Variants in PDE5A observed in about 807,000 individuals in gnomAD.
The protein encoded by PDE5A is cGMP-specific 3',5'-cyclic phosphodiesterase.
A neutral mutation model predicts 110.2 loss-of-function variants in PDE5A; 67 were observed. The ratio of observed to expected loss-of-function variants is 0.61; its 90% CI spans 0.50 to 0.75. The LOEUF is 0.75. PDE5A is among the 30% of genes least tolerant of loss of function. PDE5A has a pLI of 0.00. For synonymous variants in PDE5A, 328 were observed against 351.2 expected, an observed-to-expected ratio of 0.93 and a Z score of 0.74; for missense variants, 862 against 1,045.1, an observed-to-expected ratio of 0.82 and a Z score of 2.42.
chr4:119,555,662 C>T (rs974386311), intron 7 of PDE5A, among the ~76,000 whole-genome samples: 8 of 152,024 alleles, frequency 5.3e-5, no homozygotes, highest in African/African-American at 1.9e-4. Flanking sequence ...TTTTAATTAT[C>T]ATCATCATTA....
intron 1 of PDE5A, among the ~76,000 whole-genome samples, chr4:119,621,516 C>T (rs1313781941): frequency 1.3e-5 from 2 of 151,806 alleles, no homozygotes; most frequent in African/African-American, 2.4e-5. Flanking sequence ...CAGCACAGGG[C>T]CAAAAGATAC....
At chr4:119,554,641 T>C (rs900382263) in intron 7 of PDE5A, among the ~76,000 whole-genome samples, 2 of 151,982 alleles carry the variant, frequency 1.3e-5, no homozygotes, top group African/African-American at 2.4e-5. Context: ...AACCTAACAA[T>C]AGTAGACATT....
intron 11 of PDE5A, among the ~76,000 whole-genome samples, chr4:119,537,845 G>T (rs1726781268): frequency 6.6e-6 from 1 of 152,032 alleles, no homozygotes; most frequent in South Asian, 2.1e-4. Flanking sequence ...AATGGTGGAA[G>T]AAATGAATAT....
chr4:119,599,080 T>C (rs1729250164), intron 2 of PDE5A, among the ~76,000 whole-genome samples: 1 of 151,840 alleles, frequency 6.6e-6, no homozygotes, highest in Non-Finnish European at 1.5e-5. Flanking sequence ...TCCTTAGGAG[T>C]AAGGACTATA....
chr4:119,498,701 A>G lies in PDE5A; in HGVS notation c.2528T>C (p.Leu843Pro). Residue 843 changes from leucine (L) to proline (P), a missense_variant, in exon 21 of 21, where the codon CTA (leucine) becomes CCA (proline). Coordinates refer to ENST00000354960, the MANE Select transcript of PDE5A (RefSeq NM_001083.4). ...CTGCCTGTTCTTTCTGCAGCCATCT[A>G]GCAAAGGGAAACAGTCCTCTGACAC... ...THVSEDCFPL[L>P]DGCRKNRQKW... 6.2e-7 allele frequency: 1 copy of G among 1,613,936 alleles called. No homozygotes were observed.
rs779475609 is a variant in PDE5A at position 119,504,554 on chromosome 4, G to C, written c.2313C>G (p.Pro771=). 1.9e-6 allele frequency: 3 copies of C among 1,612,060 alleles called. No homozygotes were observed. The East Asian group carries it at 6.7e-5, about 36-fold the overall frequency. Residue 771 remains proline (P), a synonymous_variant, in exon 18 of 21, where the codon CCC becomes CCG. Transcript: ENST00000354960. ...TACDLSAITK[P]WPIQQRIAEL... ...AACATACCCGTTGTTGAATAGGCCA[G>C]GGTTTTGTAATTGCAGAAAGATCAC...
intron 3 of PDE5A, among the ~76,000 whole-genome samples, chr4:119,574,800 A>C (rs1728272925): frequency 1.3e-5 from 2 of 152,232 alleles, no homozygotes; most frequent in South Asian, 2.1e-4. Context: ...TATCAAAAAT[A>C]AGTAGATTCT....
chr4:119,609,140 C>T lies in PDE5A; in HGVS notation c.153-1843G>A, dbSNP rs140094204. On this transcript the variant is annotated intron_variant, in intron 1 of 20. Transcript: ENST00000354960. ...TCGCGCCATTGCACTCCAGCCTGGG[C>T]TACAGTTCGAGACTCCGTCTCAAAA... 3.6e-3 allele frequency among the ~76,000 whole-genome samples: 546 copies of T among 151,274 alleles called. 3 individuals carry two copies. Among genetic ancestry groups the T allele is most frequent in the African/African-American group, 0.013 (532 of 41,156 alleles).
intron 1 of PDE5A, among the ~76,000 whole-genome samples, chr4:119,623,216 A>G (rs1337504959): frequency 6.6e-6 from 1 of 152,162 alleles, no homozygotes; most frequent in Non-Finnish European, 1.5e-5. Context: ...AGCCACATTC[A>G]CCAGCTGTAA....
At chr4:119,544,850 TATACCTTTGGA>T (rs1445031003) in intron 9 of PDE5A, among the ~76,000 whole-genome samples, 68 of 152,288 alleles carry the variant, frequency 4.5e-4, no homozygotes, top group African/African-American at 1.5e-3. Context: ...GTCATTAAAT[TATACCTTTGGA>T]ATTGCCCGCA....
chr4:119,520,887 TA>T, intron 13 of PDE5A, 47 bp downstream of exon 13: 1 of 1,496,124 alleles, frequency 6.7e-7, no homozygotes, highest in Non-Finnish European at 9.0e-7. Context: ...TAAATTTTAC[TA>T]CTAAGCAACA....
In PDE5A at chr4:119,497,027, AG is replaced by A. The variant is rs756977364; in HGVS notation, c.*1573del. On this transcript the variant is annotated 3_prime_UTR_variant, in exon 21 of 21. Transcript: ENST00000354960. ...ACACACTCAGAATTTTAAAAACTTAAGGAACATACTGAATTTTAGGCAAAAT... is the reference window on the plus strand; with the variant it reads ...ACACACTCAGAATTTTAAAAACTTAAGAACATACTGAATTTTAGGCAAAAT... 2 of 152,120 alleles carry A rather than the reference AG, an allele frequency of 1.3e-5. No homozygotes were observed. Among genetic ancestry groups the A allele is most frequent in the Non-Finnish European group, 2.9e-5 (2 of 68,010 alleles). The allele number at this position is 152,120 out of a possible 1,614,324, so 9.4% of individuals were successfully genotyped here.
chr4:119,583,795 A>G (rs1301153270), intron 3 of PDE5A, among the ~76,000 whole-genome samples: 1 of 152,228 alleles, frequency 6.6e-6, no homozygotes, highest in Admixed American at 6.5e-5. Context: ...AAGGAAATGG[A>G]AATGGCAAAC....
At chr4:119,501,287 G>T in intron 19 of PDE5A, 34 bp from the exon 20 acceptor site, 1 of 1,207,098 alleles carries the variant, frequency 8.3e-7, no homozygotes, top group Non-Finnish European at 1.2e-6. Flanking sequence ...ACACACAGAT[G>T]TGCATTTATT....
intron 12 of PDE5A, among the ~76,000 whole-genome samples, chr4:119,523,425 C>T (rs944290678): frequency 6.6e-6 from 1 of 152,038 alleles, no homozygotes; most frequent in Admixed American, 6.6e-5. Flanking sequence ...AACATCCTCT[C>T]TAGCATTAAC....
intron 3 of PDE5A, among the ~76,000 whole-genome samples, chr4:119,574,365 G>C (rs1728251562): frequency 1.6e-5 from 1 of 61,398 alleles, no homozygotes; most frequent in African/African-American, 4.5e-5. Context: ...TGTATTTTTA[G>C]TAGAGACGGG....
chr4:119,529,633 T>G (rs1470668344), intron 11 of PDE5A, among the ~76,000 whole-genome samples: 1 of 152,168 alleles, frequency 6.6e-6, no homozygotes, highest in African/African-American at 2.4e-5. Flanking sequence ...GAAGTTTCCA[T>G]AGTGAGCCAG....
chr4:119,578,326 G>A (rs1728449604), intron 3 of PDE5A, among the ~76,000 whole-genome samples: 1 of 152,030 alleles, frequency 6.6e-6, no homozygotes, highest in Admixed American at 6.6e-5. Flanking sequence ...TCACAGAATT[G>A]GAAAAAACTA....
At chr4:119,580,723 A>G in intron 3 of PDE5A, among the ~76,000 whole-genome samples, 1 of 152,232 alleles carries the variant, frequency 6.6e-6, no homozygotes, top group East Asian at 1.9e-4. Flanking sequence ...AAGCCAGCAC[A>G]AGACCAAGTC....
Sources: allele counts gnomAD v4.1 joint callset (sites outside exome capture counted in the v4.1 genomes callset), GRCh38; gene constraint gnomAD v4.1.1; transcripts MANE v1.5; gene names NCBI Gene and HGNC (gene_info 2026-07-23, HGNC 2026-07-21).